QSOX1: variants seen among roughly 807,000 people sequenced by gnomAD.
QSOX1 encodes sulfhydryl oxidase 1.
In QSOX1, 40 loss-of-function variants were observed where a neutral mutation model predicts 76.1. The ratio of observed to expected loss-of-function variants is 0.53; its 90% CI spans 0.41 to 0.68. The LOEUF (loss-of-function observed/expected upper bound fraction) is 0.68. Among genes scored for constraint, QSOX1 ranks in the 30% least tolerant of loss-of-function variants. QSOX1 has a pLI of 0.00. For missense variants in QSOX1, 931 were observed against 974.3 expected (o/e 0.96, Z 0.59); for synonymous variants, 392 against 413.1 (o/e 0.95, Z 0.62).
chr1:180,183,200 G>A (rs192255470), intron 6 of QSOX1, among the ~76,000 whole-genome samples: 49 of 152,092 alleles, frequency 3.2e-4, no homozygotes, highest in Admixed American at 1.0e-3. Context: ...ACCCAGGATG[G>A]TGGAGTGGAA....
rs184913484 is a variant in QSOX1, at chr1:180,166,220, G to A, written c.266-271G>A. Among the ~76,000 whole-genome samples, 116 of 152,272 alleles carry A rather than the reference G, an allele frequency of 7.6e-4. 1 individual carries two copies. Among genetic ancestry groups the A allele is most frequent in the Middle Eastern group, 3.4e-3 (1 of 294 alleles). On this transcript the variant is annotated intron_variant, in intron 1 of 11. Transcript: ENST00000367602. ...TCTCTCAGCCCCCATCCCTGGCCCC[G>A]ATTAGTAATGGAGAAACAGATACCA...
In QSOX1 at chr1:180,198,577, C is replaced by T. The variant is rs1236212043; in HGVS notation, c.*1540C>T. 11 of 361,916 alleles carry T rather than the reference C, an allele frequency of 3.0e-5. No homozygotes were observed. The highest frequency in any genetic ancestry group is 5.6e-5 in the Non-Finnish European group (10 of 178,748). 22.4% of individuals were successfully genotyped at this position (361,916 alleles called of 1,614,324 possible). A position where few individuals can be genotyped will look rare whatever the true frequency, so the allele number is the denominator to read the frequency against. On this transcript the variant is annotated 3_prime_UTR_variant, in exon 12 of 12. Coordinates refer to ENST00000367602, the MANE Select transcript of QSOX1 (RefSeq NM_002826.5). Reference sequence around the variant, plus strand: ...ATGTGGAGCAGGTGGGATGCCAAGGCCACTCCTGCTATGGGGCAGCTGGGG... The same window carrying T: ...ATGTGGAGCAGGTGGGATGCCAAGGTCACTCCTGCTATGGGGCAGCTGGGG...
chr1:180,157,569 A>G (rs571497489), intron 1 of QSOX1, among the ~76,000 whole-genome samples: 2 of 152,188 alleles, frequency 1.3e-5, no homozygotes, highest in South Asian at 2.1e-4. Context: ...TTGCAGCCAT[A>G]TTTGGCTGGC....
chr1:180,165,084 C>G (rs12034708), intron 1 of QSOX1, among the ~76,000 whole-genome samples: 1 of 152,196 alleles, frequency 6.6e-6, no homozygotes, highest in Non-Finnish European at 1.5e-5. Context: ...CCTTTCACCT[C>G]GTCTAACATT....
At chr1:180,183,605 G>A (rs940887861) in intron 6 of QSOX1, among the ~76,000 whole-genome samples, 2 of 152,206 alleles carry the variant, frequency 1.3e-5, no homozygotes, top group Admixed American at 1.3e-4. Context: ...GCTGTCCCGT[G>A]CCTTTCCATG....
At chr1:180,191,436 C>T (rs1365833744) in intron 10 of QSOX1, among the ~76,000 whole-genome samples, 2 of 152,202 alleles carry the variant, frequency 1.3e-5, no homozygotes, top group Admixed American at 6.5e-5. Flanking sequence ...AGGAGCATCC[C>T]AGCAGAGGGA....
At chr1:180,172,100 C>T (rs528556596) in intron 2 of QSOX1, among the ~76,000 whole-genome samples, 3 of 152,210 alleles carry the variant, frequency 2.0e-5, no homozygotes, top group East Asian at 1.9e-4. Context: ...CATGGGGACA[C>T]GGGAAGGAAA....
chr1:180,190,976 A>G (rs1451552665), intron 10 of QSOX1, among the ~76,000 whole-genome samples: 1 of 152,242 alleles, frequency 6.6e-6, no homozygotes, highest in Admixed American at 6.5e-5. Context: ...TAGCTGATAC[A>G]TAGCAGGTGC....
intron 10 of QSOX1, among the ~76,000 whole-genome samples, chr1:180,191,125 T>C (rs1208396226): frequency 3.9e-5 from 6 of 152,174 alleles, no homozygotes; most frequent in Non-Finnish European, 8.8e-5. Context: ...CACCTGCTTT[T>C]GAAGACTGAA....
chr1:180,195,054 G>C (rs929262035), intron 11 of QSOX1, among the ~76,000 whole-genome samples: 2 of 152,112 alleles, frequency 1.3e-5, no homozygotes, highest in African/African-American at 4.8e-5. Flanking sequence ...GCAGGTGGTG[G>C]TGCAGGCGCC....
rs541418036 is a variant in QSOX1, at chr1:180,196,672, G to T, written c.1879G>T (p.Glu627Ter). ...PGQEPPEHMA[E>*]LQRNEQEQPL... ...CCAGGAGCCTCCTGAGCACATGGCA[G>T]AGCTTCAGAGGAATGAGCAGGAGCA... is the stretch of plus-strand genomic sequence containing the variant. Residue 627 changes from glutamate to a stop codon, truncating the protein, a stop_gained, in exon 12 of 12, where the codon GAG becomes TAG. Transcript: ENST00000367602. LOFTEE classifies it high-confidence loss of function. This position sits in a 1 kb window ranked among gnomAD's most constrained non-coding sequence, Gnocchi z 4.1. 1.9e-6 allele frequency: 3 copies of T among 1,614,158 alleles called. No individual in the cohort carries two copies. The African/African-American group carries it at 4.0e-5, about 21-fold the overall frequency.
chr1:180,189,435 C>A, intron 8 of QSOX1, 117 bp from the exon 9 acceptor site: 2 of 419,060 alleles, frequency 4.8e-6, no homozygotes, highest in East Asian at 4.5e-5. Context: ...ACCTCCTCCC[C>A]ACTGCCCCCC....
rs1422342148 is a variant in QSOX1 at position 180,199,126 on chromosome 1, C to T, written c.*2089C>T. 6.6e-6 allele frequency: 1 copy of T among 152,390 alleles called. No homozygotes were observed. The highest frequency in any genetic ancestry group is 2.4e-5 in the African/African-American group (1 of 41,472). 9.4% of individuals were successfully genotyped at this position (152,390 alleles called of 1,614,324 possible). ...TCACAGCTGCCTCTGGCAGCCAAGC[C>T]TCTTTTCGCCCGGCCCCAGCCCCTC... is the stretch of plus-strand genomic sequence containing the variant. On this transcript the variant is annotated 3_prime_UTR_variant, in exon 12 of 12. Coordinates refer to ENST00000367602, the MANE Select transcript of QSOX1 (RefSeq NM_002826.5).
intron 10 of QSOX1, 80 bp from the exon 11 acceptor site, chr1:180,194,133 G>T (rs903535005): frequency 7.2e-7 from 1 of 1,386,996 alleles, no homozygotes; most frequent in Non-Finnish European, 9.8e-7. Flanking sequence ...GATGGGGGGC[G>T]GCAGGGTGGC....
At chr1:180,191,430 G>A (rs1313460518) in intron 10 of QSOX1, among the ~76,000 whole-genome samples, 2 of 152,236 alleles carry the variant, frequency 1.3e-5, no homozygotes, top group African/African-American at 4.8e-5. Context: ...CAGGAGAGGA[G>A]CATCCCAGCA....
intron 1 of QSOX1, among the ~76,000 whole-genome samples, chr1:180,156,631 T>C (rs1217599753): frequency 6.6e-6 from 1 of 152,220 alleles, no homozygotes; most frequent in Non-Finnish European, 1.5e-5. Context: ...ATGAAACTTA[T>C]AAGCTGTTTT....
At chr1:180,187,590 C>T (rs1264789992) in intron 8 of QSOX1, among the ~76,000 whole-genome samples, 1 of 152,240 alleles carries the variant, frequency 6.6e-6, no homozygotes, top group African/African-American at 2.4e-5. Context: ...TTCTTTGTCC[C>T]CAGTGGGGCT....
At chr1:180,193,207 A>G (rs1448953995) in intron 10 of QSOX1, among the ~76,000 whole-genome samples, 1 of 152,078 alleles carries the variant, frequency 6.6e-6, no homozygotes, top group East Asian at 1.9e-4. Context: ...GGATAAATGG[A>G]TGACGCAGTA....
chr1:180,170,472 T>C (rs1410839014), intron 2 of QSOX1, among the ~76,000 whole-genome samples: 1 of 152,216 alleles, frequency 6.6e-6, no homozygotes, highest in Admixed American at 6.5e-5. Context: ...GTGTGCTTTC[T>C]CTTGAGCTCT....
Sources: gnomAD v4.1 joint callset for allele counts (sites outside exome capture counted in the v4.1 genomes callset) on GRCh38, gnomAD v4.1.1 for gene constraint, Gnocchi (gnomAD v3.1) non-coding constraint, MANE v1.5 for transcripts, NCBI Gene and HGNC (gene_info 2026-07-23, HGNC 2026-07-21) for gene names.